Variants in NLGN1 observed in about 807,000 individuals in gnomAD.
The protein encoded by NLGN1 is neuroligin-1.
A neutral mutation model predicts 65.5 loss-of-function variants in NLGN1; 12 were observed. The observed-to-expected ratio is 0.18, with a 90% CI of 0.12 to 0.30. The LOEUF is 0.30. Ranked by LOEUF, NLGN1 falls within the 10% of genes least tolerant of loss-of-function variation. NLGN1 has a pLI of 1.00. For missense variants in NLGN1, 750 were observed against 1,007.1 expected (o/e 0.74, Z 3.46); for synonymous variants, 350 against 359.5 (o/e 0.97, Z 0.30).
intron 4 of NLGN1, among the ~76,000 whole-genome samples, chr3:174,198,337 T>C (rs1015301380): frequency 2.6e-5 from 4 of 152,206 alleles, no homozygotes; most frequent in African/African-American, 2.4e-5. Flanking sequence ...GAGTTTGGAT[T>C]TGAGCCCAGA....
At chr3:173,728,088 GA>G (rs1457248096) in intron 3 of NLGN1, among the ~76,000 whole-genome samples, 4 of 152,082 alleles carry the variant, frequency 2.6e-5, no homozygotes, top group Non-Finnish European at 4.4e-5. Context: ...CCTATGGTGG[GA>G]AAGTCTAGAG....
chr3:173,829,672 T>C (rs1018061228), intron 4 of NLGN1, among the ~76,000 whole-genome samples: 2 of 152,160 alleles, frequency 1.3e-5, no homozygotes, highest in Non-Finnish European at 2.9e-5. Flanking sequence ...TACTATACAT[T>C]AGATCCCAAG....
intron 4 of NLGN1, among the ~76,000 whole-genome samples, chr3:174,271,995 G>A (rs560379291): frequency 2.0e-5 from 3 of 151,614 alleles, no homozygotes; most frequent in South Asian, 4.2e-4. Context: ...AAAAGAGTTC[G>A]CTTTATAGTC....
intron 4 of NLGN1, among the ~76,000 whole-genome samples, chr3:174,270,313 A>G (rs1414085320): frequency 6.6e-6 from 1 of 150,988 alleles, no homozygotes; most frequent in Non-Finnish European, 1.5e-5. Context: ...TTTTGAGTTA[A>G]TTTTTATATG....
intron 3 of NLGN1, among the ~76,000 whole-genome samples, chr3:173,787,994 AT>A (rs1711586568): frequency 6.6e-6 from 1 of 152,196 alleles, no homozygotes; most frequent in African/African-American, 2.4e-5. Context: ...TAATTGAAAA[AT>A]ATAACTTCAT....
At chr3:173,559,743 A>AAT (rs1219448674) in intron 2 of NLGN1, among the ~76,000 whole-genome samples, 3 of 152,150 alleles carry the variant, frequency 2.0e-5, no homozygotes, top group African/African-American at 7.2e-5. Context: ...GTGTTATCTT[A>AAT]ATATATGTTT....
In NLGN1 at chr3:173,933,609, A is replaced by G. The variant is rs1216290757; in HGVS notation, c.646+125777A>G. Among the ~76,000 whole-genome samples, 5 of 152,258 alleles carry G rather than the reference A, an allele frequency of 3.3e-5. No homozygotes were observed. In the East Asian group the frequency reaches 9.7e-4, roughly 29 times the overall value. On this transcript the variant is annotated intron_variant, in intron 4 of 6. Coordinates refer to ENST00000457714, the Ensembl canonical transcript of NLGN1. ...GGAAGACCCCAAGGATTTTGAGAGG[A>G]GTCAGATTTGACATAGTTCTTCCTT...
At chr3:174,219,264 T>C (rs1738203159) in intron 4 of NLGN1, among the ~76,000 whole-genome samples, 1 of 152,064 alleles carries the variant, frequency 6.6e-6, no homozygotes, top group African/African-American at 2.4e-5. Context: ...TGGCAAGGAT[T>C]TTCAAGCCAC....
At chr3:174,095,435 TAGG>T (rs999892108) in intron 4 of NLGN1, among the ~76,000 whole-genome samples, 4 of 151,728 alleles carry the variant, frequency 2.6e-5, no homozygotes, top group African/African-American at 9.7e-5. Context: ...GTACACATGA[TAGG>T]GGAGTCACTT....
At chr3:173,919,229 C>G (rs1378190981) in intron 4 of NLGN1, among the ~76,000 whole-genome samples, 1 of 152,142 alleles carries the variant, frequency 6.6e-6, no homozygotes, top group East Asian at 1.9e-4. Flanking sequence ...ACTCAGACAT[C>G]TTTGGGAGGC....
intron 3 of NLGN1, among the ~76,000 whole-genome samples, chr3:173,780,394 A>G (rs1780946608): frequency 6.6e-6 from 1 of 152,212 alleles, no homozygotes; most frequent in South Asian, 2.1e-4. Context: ...ATGAATCTCA[A>G]ATAAGACTCA....
At chr3:173,787,973 T>C (rs1711580615) in intron 3 of NLGN1, among the ~76,000 whole-genome samples, 1 of 152,174 alleles carries the variant, frequency 6.6e-6, no homozygotes, top group Non-Finnish European at 1.5e-5. Context: ...AAAAATATTT[T>C]AATAGTCAAA....
chr3:173,783,095 C>T (rs527638691), intron 3 of NLGN1, among the ~76,000 whole-genome samples: 13 of 151,940 alleles, frequency 8.6e-5, no homozygotes, highest in Non-Finnish European at 1.8e-4. Flanking sequence ...AGGATACACA[C>T]GAAAACAAAG....
intron 2 of NLGN1, among the ~76,000 whole-genome samples, chr3:173,569,096 A>T (rs1258118348): frequency 1.3e-5 from 2 of 152,230 alleles, no homozygotes; most frequent in Non-Finnish European, 2.9e-5. Context: ...ATTACTCTTC[A>T]AAAGGATTTT....
intron 4 of NLGN1, among the ~76,000 whole-genome samples, chr3:173,900,705 C>T (rs930969578): frequency 8.6e-5 from 13 of 151,916 alleles, no homozygotes; most frequent in African/African-American, 2.4e-4. Context: ...CAGGGGAAGA[C>T]GGTCATGCAA....
chr3:173,539,713 T>C (rs1479303123), intron 2 of NLGN1, among the ~76,000 whole-genome samples: 6 of 122,586 alleles, frequency 4.9e-5, no homozygotes, highest in African/African-American at 6.4e-5. Flanking sequence ...TATATACATA[T>C]ATGTACATAT....
chr3:174,003,363 G>A (rs1214562664), intron 4 of NLGN1, among the ~76,000 whole-genome samples: 1 of 152,052 alleles, frequency 6.6e-6, no homozygotes, highest in Non-Finnish European at 1.5e-5. Flanking sequence ...GTTAATGAGT[G>A]GTCCATGGAC....
In NLGN1 at chr3:173,875,189, G is replaced by A. The variant is rs1731891017; in HGVS notation, c.646+67357G>A. 2.0e-5 allele frequency among the ~76,000 whole-genome samples: 3 copies of A among 152,144 alleles called. No individual in the cohort carries two copies. In the South Asian group the frequency reaches 6.2e-4, roughly 32 times the overall value. On this transcript the variant is annotated intron_variant, in intron 4 of 6. Coordinates refer to ENST00000457714, the Ensembl canonical transcript of NLGN1. ...ACAGCGTAGAAGGTGTTTGACCACTGCGGACATTGAATGTGTCTTTGGTGA... is the reference window on the plus strand; with the variant it reads ...ACAGCGTAGAAGGTGTTTGACCACTACGGACATTGAATGTGTCTTTGGTGA...
chr3:173,849,205 G>T (rs996507723), intron 4 of NLGN1, among the ~76,000 whole-genome samples: 6 of 151,992 alleles, frequency 3.9e-5, no homozygotes, highest in South Asian at 2.1e-4. Flanking sequence ...ATTAATGACG[G>T]TATTTTTTTT....
Sources: allele counts gnomAD v4.1 joint callset (sites outside exome capture counted in the v4.1 genomes callset), GRCh38; gene constraint gnomAD v4.1.1; transcripts MANE v1.5; gene names NCBI Gene and HGNC (gene_info 2026-07-23, HGNC 2026-07-21).